The following SATB1 variants were observed in gnomAD, a reference collection of about 807,000 sequenced individuals.
The protein encoded by SATB1 is SATB homeobox 1, also known as DNA-binding protein SATB1.
A neutral mutation model predicts 86.9 loss-of-function variants in SATB1; 11 were observed. The ratio of observed to expected loss-of-function variants is 0.13; its 90% CI spans 0.08 to 0.21. The LOEUF (loss-of-function observed/expected upper bound fraction) is 0.21. Ranked by LOEUF, SATB1 falls within the 10% of genes least tolerant of loss-of-function variation. The probability of loss-of-function intolerance (pLI) is 1.00; values close to 1 mark genes in which losing one functional copy is unlikely to be tolerated. For missense variants in SATB1, 551 were observed against 937.6 expected, an observed-to-expected ratio of 0.59 and a Z score of 5.39; for synonymous variants, 357 against 357.2, an observed-to-expected ratio of 1.00 and a Z score of 0.01.
chr3:18,371,184 G>A (rs1695464096), intron 9 of SATB1, among the ~76,000 whole-genome samples: 1 of 152,082 alleles, frequency 6.6e-6, no homozygotes, highest in Non-Finnish European at 1.5e-5. Flanking sequence ...ATACACAAAG[G>A]CAACTGGAAT....
chr3:18,402,545 AG>A (rs1454386924), intron 5 of SATB1, among the ~76,000 whole-genome samples: 2 of 152,142 alleles, frequency 1.3e-5, no homozygotes, highest in Non-Finnish European at 2.9e-5. Flanking sequence ...GAAAATAAAG[AG>A]AAAACCATGT....
intron 10 of SATB1, chr3:18,351,223 A>T: frequency 9.7e-7 from 1 of 1,033,630 alleles, no homozygotes; most frequent in Non-Finnish European, 1.4e-6. Context: ...TAGGGCCTTT[A>T]CAGGTTTGAA....
intron 9 of SATB1, among the ~76,000 whole-genome samples, chr3:18,356,836 GC>G (rs1184828237): frequency 6.6e-6 from 1 of 151,810 alleles, no homozygotes; most frequent in Non-Finnish European, 1.5e-5. Flanking sequence ...ACTTTATAAA[GC>G]CTCACATGCA....
intron 1 of SATB1, among the ~76,000 whole-genome samples, chr3:18,423,128 T>G (rs1041075615): frequency 6.6e-6 from 1 of 152,176 alleles, no homozygotes; most frequent in Admixed American, 6.5e-5. Flanking sequence ...ACAGGCCTGC[T>G]TGGATGACAG....
intron 9 of SATB1, among the ~76,000 whole-genome samples, chr3:18,357,021 G>A (rs1397369704): frequency 6.6e-6 from 1 of 151,558 alleles, no homozygotes; most frequent in Non-Finnish European, 1.5e-5. Context: ...AAAACTAAGA[G>A]CTATAAAAAG....
upstream of SATB1, among the ~76,000 whole-genome samples, chr3:18,442,380 A>G (rs897540080): frequency 6.6e-6 from 1 of 152,194 alleles, no homozygotes; most frequent in Non-Finnish European, 1.5e-5. Context: ...TACTGTTTAA[A>G]TATTATGTAT....
At chr3:18,351,612 G>C in intron 10 of SATB1, 1 of 550,944 alleles carries the variant, frequency 1.8e-6, no homozygotes, top group Non-Finnish European at 3.2e-6. Flanking sequence ...AACAGCGGTT[G>C]CTCTTTTCCT....
rs757068062 is a variant in SATB1 at position 18,349,270 on chromosome 3, C to T, written c.2192G>A (p.Ser731Asn). The T allele has an allele frequency of 1.9e-6, 3 of 1,614,122 alleles. No individual in the cohort carries two copies. The highest frequency in any genetic ancestry group is 1.1e-5 in the South Asian group (1 of 91,092). Reference sequence around the variant, plus strand: ...GGTGTTAGTATTTTTATCTTGGACACTCTCTTCCAAATCCTTCAGCAGCTC... The same window carrying T: ...GGTGTTAGTATTTTTATCTTGGACATTCTCTTCCAAATCCTTCAGCAGCTC... ...EEELLKDLEE[S>N]VQDKNTNTLF... The change falls in exon 11 of 11, where the codon AGT becomes AAT. Residue 731 changes from serine to asparagine, a missense_variant. Physicochemically the swap from Ser to Asn is conservative, Grantham distance 46 (BLOSUM62 1). Transcript: ENST00000338745. This position sits in a 1 kb window ranked among gnomAD's most constrained non-coding sequence, Gnocchi z 5.5.
chr3:18,358,264 CTT>C (rs1694750152), intron 9 of SATB1, among the ~76,000 whole-genome samples: 1 of 151,906 alleles, frequency 6.6e-6, no homozygotes, highest in Non-Finnish European at 1.5e-5. Context: ...AATAAAAACA[CTT>C]GTCTTAAGAT....
chr3:18,440,190 C>A (rs1699199765), upstream of SATB1, among the ~76,000 whole-genome samples: 1 of 152,100 alleles, frequency 6.6e-6, no homozygotes, highest in Non-Finnish European at 1.5e-5. Context: ...ACATATTTAT[C>A]CTGAGGTTGC....
intron 7 of SATB1, among the ~76,000 whole-genome samples, chr3:18,389,437 T>C (rs1421057864): frequency 6.6e-6 from 1 of 152,054 alleles, no homozygotes; most frequent in African/African-American, 2.4e-5. Flanking sequence ...GATATGGGAA[T>C]GTATGTTTTG....
At chr3:18,390,714 A>G (rs1047657462) in intron 7 of SATB1, among the ~76,000 whole-genome samples, 31 of 152,254 alleles carry the variant, frequency 2.0e-4, no homozygotes, top group African/African-American at 7.2e-4. Context: ...ATCCATCTTC[A>G]TTCTTTATTT....
intron 9 of SATB1, among the ~76,000 whole-genome samples, chr3:18,362,352 C>T (rs528059973): frequency 3.2e-4 from 49 of 152,088 alleles, no homozygotes; most frequent in African/African-American, 8.4e-4. Flanking sequence ...CACACTTCAA[C>T]GAGTGAAATG....
intron 5 of SATB1, among the ~76,000 whole-genome samples, chr3:18,402,080 G>T (rs1472400839): frequency 6.6e-6 from 1 of 152,012 alleles, no homozygotes; most frequent in Non-Finnish European, 1.5e-5. Flanking sequence ...AAACCACAAA[G>T]AATCGGTTAA....
intron 5 of SATB1, among the ~76,000 whole-genome samples, chr3:18,399,349 C>T (rs993730643): frequency 6.6e-6 from 1 of 152,172 alleles, no homozygotes; most frequent in African/African-American, 2.4e-5. Flanking sequence ...AGATGGCGGA[C>T]AGCCTCTGCC....
chr3:18,394,654 G>A lies in SATB1; in HGVS notation c.1014C>T (p.Ala338=). 3 of 1,614,146 alleles carry A rather than the reference G, an allele frequency of 1.9e-6. No individual in the cohort carries two copies. Residue 338 remains alanine (A), a synonymous_variant, in exon 7 of 11, where the codon GCC becomes GCT. Transcript: ENST00000338745. The surrounding 1 kb of genome is among the most constrained non-coding windows in gnomAD (Gnocchi z 5.9). ...NQQYAVNRLL[A]QQSLNQQYLN... ...AGTATTGTTGGTTTAAGGACTGCTG[G>A]GCTAAAAGTCTATTCACTGCATACT...
chr3:18,440,914 C>T (rs753793268), upstream of SATB1, among the ~76,000 whole-genome samples: 22 of 152,064 alleles, frequency 1.4e-4, no homozygotes, highest in African/African-American at 3.1e-4. Context: ...CTGAAAAAGA[C>T]GAAAAACATT....
intron 2 of SATB1, chr3:18,417,527 T>G: frequency 1.6e-6 from 1 of 611,370 alleles, no homozygotes; most frequent in Non-Finnish European, 2.9e-6. Flanking sequence ...TTTTCCTGGG[T>G]TTGTGTCCAA....
intron 9 of SATB1, among the ~76,000 whole-genome samples, chr3:18,371,029 C>T (rs1042658441): frequency 2.0e-5 from 3 of 152,132 alleles, no homozygotes; most frequent in African/African-American, 7.2e-5. Context: ...GGATCAGACA[C>T]CTTATTATAT....
Sources: gnomAD v4.1 joint callset for allele counts (sites outside exome capture counted in the v4.1 genomes callset) on GRCh38, gnomAD v4.1.1 for gene constraint, Gnocchi (gnomAD v3.1) non-coding constraint, MANE v1.5 for transcripts, NCBI Gene and HGNC (gene_info 2026-07-23, HGNC 2026-07-21) for gene names.